The following AKAP19 variants were observed in gnomAD, a reference collection of about 807,000 sequenced individuals.
The protein encoded by AKAP19 is small A-kinase anchoring protein.
the AKAP19 span, among the ~76,000 whole-genome samples, chr2:189,925,134 C>T: frequency 6.6e-6 from 1 of 152,270 alleles, no homozygotes; most frequent in East Asian, 1.9e-4. Context: ...CTATCCTAAA[C>T]TGTTCCTGAG....
the AKAP19 span, among the ~76,000 whole-genome samples, chr2:189,983,910 G>A: frequency 6.6e-6 from 1 of 152,188 alleles, no homozygotes; most frequent in Non-Finnish European, 1.5e-5. Context: ...CACATTGGTA[G>A]GATCCGTGAT....
the AKAP19 span, among the ~76,000 whole-genome samples, chr2:190,113,308 G>T: frequency 6.6e-6 from 1 of 152,040 alleles, no homozygotes; most frequent in Admixed American, 6.6e-5. Flanking sequence ...AATACAATGG[G>T]CAAGAGTTTC....
chr2:190,023,171 C>G, the AKAP19 span, among the ~76,000 whole-genome samples: 1 of 152,004 alleles, frequency 6.6e-6, no homozygotes, highest in Non-Finnish European at 1.5e-5. Context: ...GTGATTACTA[C>G]TTTTTTATGC....
At chr2:190,045,579 G>A in the AKAP19 span, among the ~76,000 whole-genome samples, 134 of 152,274 alleles carry the variant, frequency 8.8e-4, no homozygotes, top group African/African-American at 3.1e-3. Flanking sequence ...AATCCTGAAG[G>A]CTGGAATGGC....
the AKAP19 span, among the ~76,000 whole-genome samples, chr2:189,899,782 T>C: frequency 1.0e-5 from 1 of 98,740 alleles, no homozygotes; most frequent in Admixed American, 1.3e-4. Flanking sequence ...TCTGTTATTA[T>C]AAAAGTATTA....
chr2:190,180,849 A>T, the AKAP19 span: 2 of 985,134 alleles, frequency 2.0e-6, no homozygotes, highest in Non-Finnish European at 2.4e-6. This position sits in a 1 kb window ranked among gnomAD's most constrained non-coding sequence, Gnocchi z 6.8. Flanking sequence ...CCGCCGAAGG[A>T]CGCCCCGTCC....
At chr2:190,006,960 C>T in the AKAP19 span, among the ~76,000 whole-genome samples, 2 of 152,040 alleles carry the variant, frequency 1.3e-5, no homozygotes, top group Non-Finnish European at 2.9e-5. Flanking sequence ...GCAGAGGTTG[C>T]AGTGAGCCGA....
the AKAP19 span, among the ~76,000 whole-genome samples, chr2:190,122,797 CCTCT>C: frequency 2.0e-5 from 3 of 150,810 alleles, no homozygotes; most frequent in East Asian, 1.9e-4. Context: ...ATGATGATCA[CCTCT>C]CTCTCTCTCT....
chr2:189,923,709 G>A, the AKAP19 span: 3 of 1,613,704 alleles, frequency 1.9e-6, no homozygotes, highest in Non-Finnish European at 2.5e-6. Context: ...AGGATGTACA[G>A]TTACCCAGCA....
At chr2:189,898,306 C>T in the AKAP19 span, among the ~76,000 whole-genome samples, 1 of 152,028 alleles carries the variant, frequency 6.6e-6, no homozygotes, top group African/African-American at 2.4e-5. Context: ...TACTAGACAC[C>T]GTTCTAAGCC....
the AKAP19 span, among the ~76,000 whole-genome samples, chr2:190,135,662 C>G: frequency 6.6e-6 from 1 of 152,202 alleles, no homozygotes; most frequent in African/African-American, 2.4e-5. Flanking sequence ...GATCATATAG[C>G]ATCCCTGTGC....
the AKAP19 span, among the ~76,000 whole-genome samples, chr2:190,021,018 T>C: frequency 2.6e-5 from 4 of 152,212 alleles, no homozygotes; most frequent in Non-Finnish European, 5.9e-5. Context: ...TTCCATTTTA[T>C]CCATTCATCC....
the AKAP19 span, among the ~76,000 whole-genome samples, chr2:190,174,839 A>G: frequency 1.3e-5 from 2 of 152,246 alleles, no homozygotes; most frequent in Admixed American, 6.5e-5. Context: ...GTGAAGACTT[A>G]TAGAAGCTTG....
At chr2:190,195,565 T>G in the AKAP19 span, among the ~76,000 whole-genome samples, 4 of 152,216 alleles carry the variant, frequency 2.6e-5, no homozygotes, top group African/African-American at 4.8e-5. Flanking sequence ...AAGACTTCCG[T>G]GAGGTGTCTG....
the AKAP19 span, among the ~76,000 whole-genome samples, chr2:189,935,654 G>A: frequency 1.3e-5 from 2 of 152,136 alleles, no homozygotes; most frequent in East Asian, 3.9e-4. Context: ...AGCAAATTTA[G>A]TTATGTTATA....
chr2:189,883,186 G>T, the AKAP19 span, among the ~76,000 whole-genome samples: 1 of 152,142 alleles, frequency 6.6e-6, no homozygotes, highest in Non-Finnish European at 1.5e-5. Context: ...AGAGTCTGGG[G>T]TGGGACTGAA....
chr2:189,963,386 A>G, the AKAP19 span, among the ~76,000 whole-genome samples: 2 of 151,906 alleles, frequency 1.3e-5, no homozygotes, highest in Admixed American at 1.3e-4. Flanking sequence ...TAGTAGAGAC[A>G]GGGTTTCACC....
At chr2:189,901,791 T>C in the AKAP19 span, among the ~76,000 whole-genome samples, 1 of 152,232 alleles carries the variant, frequency 6.6e-6, no homozygotes, top group Non-Finnish European at 1.5e-5. Context: ...CTTTATCTTA[T>C]GCTAAATTAT....
At chr2:189,927,826 C>T in the AKAP19 span, among the ~76,000 whole-genome samples, 1 of 152,120 alleles carries the variant, frequency 6.6e-6, no homozygotes, top group East Asian at 1.9e-4. Context: ...AAATTAAATA[C>T]ATTAGAAATT....
Sources: gnomAD v4.1 joint callset for allele counts (sites outside exome capture counted in the v4.1 genomes callset) on GRCh38, gnomAD v4.1.1 for gene constraint, Gnocchi (gnomAD v3.1) non-coding constraint, MANE v1.5 for transcripts, NCBI Gene and HGNC (gene_info 2026-07-23, HGNC 2026-07-21) for gene names.